The following NAALADL2 variants were observed in gnomAD, a reference collection of about 807,000 sequenced individuals.
The protein encoded by NAALADL2 is N-acetylated alpha-linked acidic dipeptidase like 2, also known as inactive N-acetylated-alpha-linked acidic dipeptidase-like protein 2.
Under a neutral mutation model 87.2 loss-of-function variants are expected in NAALADL2, and 76 were observed. The ratio of observed to expected loss-of-function variants is 0.87; its 90% CI spans 0.72 to 1.05. The LOEUF (loss-of-function observed/expected upper bound fraction) is 1.05, where lower values mean the gene tolerates loss of function less well. NAALADL2 is among the 50% of genes least tolerant of loss of function. The pLI, the probability that NAALADL2 is intolerant of heterozygous loss-of-function variation, is 0.00. For synonymous variants in NAALADL2, 354 were observed against 331.0 expected (o/e 1.07, Z -0.75); for missense variants, 1,089 against 945.8 (o/e 1.15, Z -1.99).
At chr3:175,728,167 C>T (rs558821498) in intron 11 of NAALADL2, among the ~76,000 whole-genome samples, 1 of 152,056 alleles carries the variant, frequency 6.6e-6, no homozygotes, top group South Asian at 2.1e-4. Context: ...GGAAGTGAGA[C>T]AAACAGGTCT....
At chr3:175,101,550 C>T (rs200533769) in intron 2 of NAALADL2, among the ~76,000 whole-genome samples, 1 of 152,186 alleles carries the variant, frequency 6.6e-6, no homozygotes, top group East Asian at 1.9e-4. Flanking sequence ...GACATATACA[C>T]ACACATATAT....
At chr3:175,597,030 A>G (rs1722336536) in intron 10 of NAALADL2, among the ~76,000 whole-genome samples, 1 of 151,970 alleles carries the variant, frequency 6.6e-6, no homozygotes, top group Admixed American at 6.6e-5. Flanking sequence ...TAGGGTTTTG[A>G]CAGTTTGAGA....
chr3:174,726,583 A>T (rs775036956), intron 2 of NAALADL2, among the ~76,000 whole-genome samples: 4 of 152,036 alleles, frequency 2.6e-5, no homozygotes, highest in Non-Finnish European at 4.4e-5. Flanking sequence ...AGCCCTGTTC[A>T]TAGTACTTGG....
At chr3:174,696,606 A>G (rs200612950) in intron 2 of NAALADL2, among the ~76,000 whole-genome samples, 1,704 of 150,050 alleles carry the variant, frequency 0.011, 26 homozygotes, top group African/African-American at 0.027. Flanking sequence ...AAAAAAAAAA[A>G]AAAAAAAAAA....
chr3:175,633,856 T>A (rs1415361331), intron 11 of NAALADL2, among the ~76,000 whole-genome samples: 3 of 151,704 alleles, frequency 2.0e-5, no homozygotes, highest in Admixed American at 2.0e-4. Flanking sequence ...CGTTTCTTCC[T>A]GTTTTTGTAA....
intron 2 of NAALADL2, among the ~76,000 whole-genome samples, chr3:174,716,176 A>C (rs907186351): frequency 6.6e-6 from 1 of 152,172 alleles, no homozygotes; most frequent in Non-Finnish European, 1.5e-5. Context: ...TCTATTGGGA[A>C]AGATCATATT....
chr3:175,539,836 A>G (rs1218734424), intron 9 of NAALADL2, among the ~76,000 whole-genome samples: 3 of 152,194 alleles, frequency 2.0e-5, no homozygotes, highest in African/African-American at 7.2e-5. Flanking sequence ...GGGCATAGTG[A>G]GGTGAGGGTC....
intron 1 of NAALADL2, among the ~76,000 whole-genome samples, chr3:174,967,745 A>G (rs13080899): frequency 0.39 from 59,472 of 152,046 alleles, 13,630 homozygotes; most frequent in Non-Finnish European, 0.53. Context: ...GAACAATCAG[A>G]TAACTGTGAA....
chr3:174,502,904 C>CTA (rs1718985350), intron 1 of NAALADL2, among the ~76,000 whole-genome samples: 1 of 151,888 alleles, frequency 6.6e-6, no homozygotes, highest in Non-Finnish European at 1.5e-5. Flanking sequence ...TGGTGCGCGC[C>CTA]TGTAGTCTCA....
chr3:174,615,723 G>GCT (rs1720397460), intron 2 of NAALADL2, among the ~76,000 whole-genome samples: 1 of 151,390 alleles, frequency 6.6e-6, no homozygotes, highest in South Asian at 2.1e-4. Context: ...TCTTTCTCTT[G>GCT]CTCTCTCTCT....
intron 10 of NAALADL2, among the ~76,000 whole-genome samples, chr3:175,613,106 T>A (rs554957321): frequency 6.6e-6 from 1 of 152,270 alleles, no homozygotes; most frequent in South Asian, 2.1e-4. Flanking sequence ...TTCAGATGAC[T>A]GGGTGTTAAA....
chr3:175,734,759 C>G (rs1195523286), intron 11 of NAALADL2, among the ~76,000 whole-genome samples: 2 of 152,126 alleles, frequency 1.3e-5, no homozygotes, highest in African/African-American at 4.8e-5. Context: ...CAAGACTGCA[C>G]ACAGCAGAGG....
At chr3:174,573,597 T>C (rs1315972389) in intron 2 of NAALADL2, among the ~76,000 whole-genome samples, 1 of 151,976 alleles carries the variant, frequency 6.6e-6, no homozygotes, top group African/African-American at 2.4e-5. Context: ...CTGCTTCTGG[T>C]GAGGGCCTCA....
chr3:174,524,265 C>A (rs1020897752), intron 1 of NAALADL2, among the ~76,000 whole-genome samples: 2 of 152,030 alleles, frequency 1.3e-5, no homozygotes, highest in Non-Finnish European at 2.9e-5. Context: ...TATCAAGGCT[C>A]ACATAGAAAA....
At chr3:175,457,132 T>C (rs1267519887) in intron 6 of NAALADL2, among the ~76,000 whole-genome samples, 1 of 152,072 alleles carries the variant, frequency 6.6e-6, no homozygotes, top group African/African-American at 2.4e-5. Context: ...GCCATTACTA[T>C]GGATCCAACG....
chr3:175,655,070 T>C (rs1731269273), intron 11 of NAALADL2, among the ~76,000 whole-genome samples: 1 of 152,116 alleles, frequency 6.6e-6, no homozygotes, highest in South Asian at 2.1e-4. Flanking sequence ...TACAATAGGA[T>C]AGTATGAATT....
chr3:175,656,671 A>G (rs1337273516), intron 11 of NAALADL2, among the ~76,000 whole-genome samples: 4 of 152,010 alleles, frequency 2.6e-5, no homozygotes, highest in Non-Finnish European at 5.9e-5. Context: ...TCTTTCCTCA[A>G]AGGTGTGCAG....
At chr3:174,885,888 T>G (rs1045698761) in intron 1 of NAALADL2, among the ~76,000 whole-genome samples, 4 of 18,168 alleles carry the variant, frequency 2.2e-4, no homozygotes, top group African/African-American at 3.4e-4. Context: ...TTTTTTTTTT[T>G]TTTTTTTTTT....
At chr3:175,315,988 C>T (rs1759093071) in intron 4 of NAALADL2, among the ~76,000 whole-genome samples, 1 of 152,022 alleles carries the variant, frequency 6.6e-6, no homozygotes. Flanking sequence ...TCTTTGTAAA[C>T]ATTTAACAAA....
Sources: allele counts gnomAD v4.1 joint callset (sites outside exome capture counted in the v4.1 genomes callset), GRCh38; gene constraint gnomAD v4.1.1; transcripts MANE v1.5; gene names NCBI Gene and HGNC (gene_info 2026-07-23, HGNC 2026-07-21).